The following RPS6KC1 variants were observed in gnomAD, a reference collection of about 807,000 sequenced individuals.
The protein encoded by RPS6KC1 is ribosomal protein S6 kinase C1, also known as inactive ribosomal protein S6 kinase delta-1.
Under a neutral mutation model 103.8 loss-of-function variants are expected in RPS6KC1, and 54 were observed. That is an observed-to-expected ratio of 0.52 (90% CI 0.42 to 0.65). The LOEUF is 0.65. Ranked by LOEUF, RPS6KC1 falls within the 30% of genes least tolerant of loss-of-function variation. The probability of loss-of-function intolerance (pLI) is 0.00; values close to 1 mark genes in which losing one functional copy is unlikely to be tolerated. For missense variants in RPS6KC1, 1,151 were observed against 1,253.8 expected, an observed-to-expected ratio of 0.92 and a Z score of 1.24; for synonymous variants, 439 against 438.7, an observed-to-expected ratio of 1.00 and a Z score of -0.01.
the RPS6KC1 span, among the ~76,000 whole-genome samples, chr1:213,640,775 A>C: frequency 6.6e-6 from 1 of 151,864 alleles, no homozygotes; most frequent in African/African-American, 2.4e-5. Context: ...AATTCTTTTA[A>C]ACATGTTAAT....
chr1:213,381,471 AG>A, the RPS6KC1 span, among the ~76,000 whole-genome samples: 1 of 151,486 alleles, frequency 6.6e-6, no homozygotes, highest in African/African-American at 2.4e-5. Context: ...GAATGAGAGG[AG>A]GGGGGCAGGA....
At chr1:213,307,949 G>A in the RPS6KC1 span, among the ~76,000 whole-genome samples, 1 of 152,168 alleles carries the variant, frequency 6.6e-6, no homozygotes, top group South Asian at 2.1e-4. Flanking sequence ...TGGGCAGCAA[G>A]TCAAGGTCTG....
chr1:213,179,312 G>A (rs1274171298), intron 8 of RPS6KC1, among the ~76,000 whole-genome samples: 1 of 151,964 alleles, frequency 6.6e-6, no homozygotes, highest in African/African-American at 2.4e-5. Context: ...CTACTCGGGA[G>A]GCTGAGGCAG....
the RPS6KC1 span, among the ~76,000 whole-genome samples, chr1:213,531,363 A>C: frequency 6.6e-6 from 1 of 152,188 alleles, no homozygotes; most frequent in South Asian, 2.1e-4. Flanking sequence ...AGGAGAGGAA[A>C]CTTTAATGTG....
intron 1 of RPS6KC1, among the ~76,000 whole-genome samples, chr1:213,056,909 A>C (rs1253080112): frequency 7.2e-6 from 1 of 138,906 alleles, no homozygotes; most frequent in East Asian, 2.1e-4. Flanking sequence ...CTCCTCCGTT[A>C]TCATAATGTA....
the RPS6KC1 span, among the ~76,000 whole-genome samples, chr1:213,301,726 T>TTTATTTATTTAG: frequency 6.6e-6 from 1 of 150,776 alleles, no homozygotes; most frequent in Non-Finnish European, 1.5e-5. Flanking sequence ...TATTTATTTA[T>TTTATTTATTTAG]TTATTTATTT....
At chr1:213,542,912 G>A in the RPS6KC1 span, among the ~76,000 whole-genome samples, 1 of 152,154 alleles carries the variant, frequency 6.6e-6, no homozygotes, top group African/African-American at 2.4e-5. Context: ...TGAGGAGAGG[G>A]CCACGCAAAC....
chr1:213,736,278 A>G, the RPS6KC1 span, among the ~76,000 whole-genome samples: 4 of 152,158 alleles, frequency 2.6e-5, no homozygotes, highest in Admixed American at 6.5e-5. Flanking sequence ...ACTGCAGGTA[A>G]GGTTTCAGCC....
At chr1:213,825,701 C>T in the RPS6KC1 span, among the ~76,000 whole-genome samples, 1 of 152,142 alleles carries the variant, frequency 6.6e-6, no homozygotes, top group African/African-American at 2.4e-5. Context: ...AAATCACAAC[C>T]TTTGTGGGTA....
chr1:213,457,389 G>A, the RPS6KC1 span, among the ~76,000 whole-genome samples: 1 of 152,354 alleles, frequency 6.6e-6, no homozygotes, highest in African/African-American at 2.4e-5. Context: ...TTCCAGGGAA[G>A]GCCTATGGCA....
At chr1:213,285,436 G>T in the RPS6KC1 span, among the ~76,000 whole-genome samples, 1 of 152,136 alleles carries the variant, frequency 6.6e-6, no homozygotes, top group African/African-American at 2.4e-5. Context: ...ACCTAGTAGA[G>T]AATGTATTGT....
the RPS6KC1 span, among the ~76,000 whole-genome samples, chr1:213,637,991 A>T: frequency 0.14 from 21,875 of 151,476 alleles, 2,513 homozygotes; most frequent in African/African-American, 0.32. Context: ...TAATGTTAAA[A>T]TTTTTTTTGT....
chr1:213,195,821 G>GGTGTGTGTGT (rs60968477), intron 8 of RPS6KC1, among the ~76,000 whole-genome samples: 40 of 149,722 alleles, frequency 2.7e-4, no homozygotes, highest in African/African-American at 9.5e-4. Context: ...AGTATTCCAT[G>GGTGTGTGTGT]GTGTGTGTGT....
At chr1:213,513,271 A>T in the RPS6KC1 span, among the ~76,000 whole-genome samples, 2 of 152,174 alleles carry the variant, frequency 1.3e-5, no homozygotes, top group African/African-American at 4.8e-5. Flanking sequence ...CCAGAAAGGA[A>T]CTCAGCCCTG....
chr1:213,804,195 A>AAAC, the RPS6KC1 span, among the ~76,000 whole-genome samples: 2 of 150,264 alleles, frequency 1.3e-5, no homozygotes, highest in African/African-American at 4.9e-5. Context: ...AAAAAAAAAA[A>AAAC]AAACAACCCT....
chr1:213,773,066 T>A, the RPS6KC1 span, among the ~76,000 whole-genome samples: 124 of 152,290 alleles, frequency 8.1e-4, no homozygotes, highest in African/African-American at 2.8e-3. Context: ...AGTCCTCTGG[T>A]GAGATCAGCA....
the RPS6KC1 span, among the ~76,000 whole-genome samples, chr1:213,434,282 A>G: frequency 6.6e-6 from 1 of 152,294 alleles, no homozygotes; most frequent in East Asian, 1.9e-4. Context: ...TATTTCTGAA[A>G]AAGTCTTCAT....
At chr1:213,458,378 T>G in the RPS6KC1 span, among the ~76,000 whole-genome samples, 12 of 7,014 alleles carry the variant, frequency 1.7e-3, no homozygotes, top group African/African-American at 0.01. Context: ...AACGTAACAC[T>G]TTTTTTTTAA....
chr1:213,667,023 C>T, the RPS6KC1 span, among the ~76,000 whole-genome samples: 1 of 152,150 alleles, frequency 6.6e-6, no homozygotes, highest in African/African-American at 2.4e-5. Flanking sequence ...AGGGCTCACT[C>T]CTACCTGGTT....
Sources: allele counts gnomAD v4.1 joint callset (sites outside exome capture counted in the v4.1 genomes callset), GRCh38; gene constraint gnomAD v4.1.1; transcripts MANE v1.5; gene names NCBI Gene and HGNC (gene_info 2026-07-23, HGNC 2026-07-21).